KCNQ1: variants seen among roughly 807,000 people sequenced by gnomAD.
KCNQ1 encodes potassium voltage-gated channel subfamily Q member 1.
A neutral mutation model predicts 72.4 loss-of-function variants in KCNQ1; 49 were observed. That is an observed-to-expected ratio of 0.68 (90% confidence interval 0.54 to 0.86). The LOEUF is 0.86. KCNQ1 is among the 40% of genes least tolerant of loss of function. The probability of loss-of-function intolerance (pLI) is 0.00; values close to 1 mark genes in which losing one functional copy is unlikely to be tolerated. For synonymous variants in KCNQ1, 450 were observed against 412.6 expected (o/e 1.09, Z -1.10); for missense variants, 790 against 945.1 (o/e 0.84, Z 2.15).
Position 2,627,763 on chromosome 11 carries a change from CTTTT to C in KCNQ1, c.1394-34196_1394-34193del, listed in dbSNP as rs1237833170. On this transcript the variant is annotated intron_variant, in intron 10 of 15. Transcript: ENST00000155840. The surrounding 1 kb of genome is among the most constrained non-coding windows in gnomAD (Gnocchi z 4.9). Reference sequence around the variant, plus strand: ...CACACACACACTATTTTCTTCCTTTCTTTTTGAGACAGGGTCTCCATCTGTCATC... The same window carrying C: ...CACACACACACTATTTTCTTCCTTTCTGAGACAGGGTCTCCATCTGTCATC... The C allele has an allele frequency of 2.5e-6, 1 of 397,998 alleles. No homozygotes were observed. The highest frequency in any genetic ancestry group is 2.1e-5 in the African/African-American group (1 of 48,496). 24.7% of individuals were successfully genotyped at this position (397,998 alleles called of 1,614,324 possible). A position where few individuals can be genotyped will look rare whatever the true frequency, so the allele number is the denominator to read the frequency against.
At position 2,661,538 on chromosome 11, in the gene KCNQ1, ACTACTC is replaced by A; in HGVS notation, c.1394-422_1394-417del. On this transcript the variant is annotated intron_variant, in intron 10 of 15. Coordinates refer to ENST00000155840, the MANE Select transcript of KCNQ1 (RefSeq NM_000218.3). This position sits in a 1 kb window ranked among gnomAD's most constrained non-coding sequence, Gnocchi z 5.9. ...CCTATCACCCCATCTTTCCTGACCCACTACTCTGTCAATGTATGAGTGTGACAATGT... is the reference window on the plus strand; with the variant it reads ...CCTATCACCCCATCTTTCCTGACCCATGTCAATGTATGAGTGTGACAATGT... The A allele has an allele frequency of 2.0e-6, 1 of 500,604 alleles. No homozygotes were observed. The highest frequency in any genetic ancestry group is 3.5e-6 in the Non-Finnish European group (1 of 284,546). 31.0% of individuals were successfully genotyped at this position (500,604 alleles called of 1,614,324 possible). A position where few individuals can be genotyped will look rare whatever the true frequency, so the allele number is the denominator to read the frequency against.
intron 2 of KCNQ1, among the ~76,000 whole-genome samples, chr11:2,551,366 G>C (rs1028334932): frequency 6.6e-6 from 1 of 152,212 alleles, no homozygotes; most frequent in Admixed American, 6.5e-5. Context: ...GCGGCGTGTA[G>C]CCTCTGCGCC....
At chr11:2,796,619 A>T (rs1321095873) in intron 15 of KCNQ1, among the ~76,000 whole-genome samples, 1 of 152,182 alleles carries the variant, frequency 6.6e-6, no homozygotes, top group Admixed American at 6.5e-5. Flanking sequence ...GTTCCTGCCC[A>T]CTCAGCCCCT....
Position 2,559,625 on chromosome 11 carries a change from C to T in KCNQ1, c.478-11003C>T, listed in dbSNP as rs530856502. ...GACCCAGCAAGTCCCTTGCCTCTCT[C>T]GCTCACCAGGAAGAAGACACGTCCG... On this transcript the variant is annotated intron_variant, in intron 2 of 15. Transcript: ENST00000155840. The surrounding 1 kb of genome is among the most constrained non-coding windows in gnomAD (Gnocchi z 4.9). Among the ~76,000 whole-genome samples, 2 of 152,320 alleles carry T rather than the reference C, an allele frequency of 1.3e-5. No individual in the cohort carries two copies. Among genetic ancestry groups the T allele is most frequent in the South Asian group, 2.1e-4 (1 of 4,830 alleles).
rs773255790 is a variant in KCNQ1 at position 2,515,134 on chromosome 11, C to T, written c.387-12794C>T. 6.6e-6 allele frequency among the ~76,000 whole-genome samples: 1 copy of T among 152,102 alleles called. No individual in the cohort carries two copies. ...GTGCGCCCATCAGCCGGATATTGGA[C>T]GTTATACTCAATAGGTAATTTTTCA... On this transcript the variant is annotated intron_variant, in intron 1 of 15. Coordinates refer to ENST00000155840, the MANE Select transcript of KCNQ1 (RefSeq NM_000218.3). The surrounding 1 kb of genome is among the most constrained non-coding windows in gnomAD (Gnocchi z 4.7).
intron 15 of KCNQ1, among the ~76,000 whole-genome samples, chr11:2,780,431 C>T (rs867542071): frequency 6.6e-4 from 100 of 152,224 alleles, no homozygotes; most frequent in African/African-American, 2.3e-3. Flanking sequence ...GCCCAGCAGG[C>T]GTGCAGCGGT....
chr11:2,733,774 C>CCACA (rs144399150), intron 11 of KCNQ1, among the ~76,000 whole-genome samples: 1,023 of 57,430 alleles, frequency 0.018, 36 homozygotes, highest in Admixed American at 0.068. Flanking sequence ...TTCAGGCCTT[C>CCACA]CACACACACA....
rs1849142979 is a variant in KCNQ1 at position 2,620,202 on chromosome 11, T to G, written c.1393+31348T>G. The G allele has an allele frequency of 3.2e-6, 1 of 313,628 alleles. No individual in the cohort carries two copies. The highest frequency in any genetic ancestry group is 2.6e-5 in the African/African-American group (1 of 38,350). The allele number at this position is 313,628 out of a possible 1,614,324, so 19.4% of individuals were successfully genotyped here. A position where few individuals can be genotyped will look rare whatever the true frequency, so the allele number is the denominator to read the frequency against. Reference sequence around the variant, plus strand: ...CAAAGGACGTAAGTTCATTCATGTATATATATATATTTTTTTTTTTTATTT... The same window carrying G: ...CAAAGGACGTAAGTTCATTCATGTAGATATATATATTTTTTTTTTTTATTT... On this transcript the variant is annotated intron_variant, in intron 10 of 15. Coordinates refer to ENST00000155840, the MANE Select transcript of KCNQ1 (RefSeq NM_000218.3). This position sits in a 1 kb window ranked among gnomAD's most constrained non-coding sequence, Gnocchi z 4.5.
chr11:2,758,540 A>G (rs955666126), intron 11 of KCNQ1, among the ~76,000 whole-genome samples: 6 of 152,208 alleles, frequency 3.9e-5, no homozygotes, highest in Admixed American at 6.5e-5. Context: ...CATCCCGGCA[A>G]CTGAACTCCT....
In KCNQ1 at chr11:2,563,700, A is replaced by G. The variant is rs1387551010; in HGVS notation, c.478-6928A>G. Among the ~76,000 whole-genome samples, 1 of 152,192 alleles carries G rather than the reference A, an allele frequency of 6.6e-6. No homozygotes were observed. Among genetic ancestry groups the G allele is most frequent in the Non-Finnish European group, 1.5e-5 (1 of 68,032 alleles). ...GAAGGATGGCACCGAGCACCATTCAACATAAGTCTTGTCAGCGTTCCGATG... is the reference window on the plus strand; with the variant it reads ...GAAGGATGGCACCGAGCACCATTCAGCATAAGTCTTGTCAGCGTTCCGATG... On this transcript the variant is annotated intron_variant, in intron 2 of 15. Coordinates refer to ENST00000155840, the MANE Select transcript of KCNQ1 (RefSeq NM_000218.3). This position sits in a 1 kb window ranked among gnomAD's most constrained non-coding sequence, Gnocchi z 7.4.
At chr11:2,456,271 T>C (rs1052134163) in intron 1 of KCNQ1, among the ~76,000 whole-genome samples, 1 of 150,532 alleles carries the variant, frequency 6.6e-6, no homozygotes, top group Non-Finnish European at 1.5e-5. Flanking sequence ...CGCTCCAGCC[T>C]GGGTGACAAG....
At chr11:2,825,231 A>G (rs1847815838) in intron 15 of KCNQ1, among the ~76,000 whole-genome samples, 1 of 152,214 alleles carries the variant, frequency 6.6e-6, no homozygotes, top group Non-Finnish European at 1.5e-5. Context: ...GTGTGCCTTC[A>G]TAGCCCAGGA....
chr11:2,642,766 G>A lies in KCNQ1; in HGVS notation c.1394-19195G>A, dbSNP rs1009489299. On this transcript the variant is annotated intron_variant, in intron 10 of 15. Transcript: ENST00000155840. The surrounding 1 kb of genome is among the most constrained non-coding windows in gnomAD (Gnocchi z 4.3). ...TCAGGTGTATCATTAGATTATTTAAGATCTTTTCTACCTTTTTTAATGGAG... is the reference window on the plus strand; with the variant it reads ...TCAGGTGTATCATTAGATTATTTAAAATCTTTTCTACCTTTTTTAATGGAG... 4 of 397,530 alleles carry A rather than the reference G, an allele frequency of 1.0e-5. No homozygotes were observed. The highest frequency in any genetic ancestry group is 4.4e-5 in the Admixed American group (1 of 22,702). 24.6% of individuals were successfully genotyped at this position (397,530 alleles called of 1,614,324 possible). A position where few individuals can be genotyped will look rare whatever the true frequency, so the allele number is the denominator to read the frequency against.
intron 3 of KCNQ1, among the ~76,000 whole-genome samples, 179 bp from the exon 4 acceptor site, chr11:2,571,146 G>A (rs975293864): frequency 3.3e-5 from 5 of 152,174 alleles, no homozygotes; most frequent in Admixed American, 1.3e-4. Flanking sequence ...CAGAGGTTGG[G>A]TCTCTCCGTT....
chr11:2,587,329 G>C (rs1848605778), intron 8 of KCNQ1, among the ~76,000 whole-genome samples: 1 of 152,212 alleles, frequency 6.6e-6, no homozygotes, highest in South Asian at 2.1e-4. Context: ...TCCCAGCTGT[G>C]GGTAACAATT....
At chr11:2,522,746 G>A (rs887972239) in intron 1 of KCNQ1, among the ~76,000 whole-genome samples, 12 of 152,336 alleles carry the variant, frequency 7.9e-5, no homozygotes, top group Non-Finnish European at 1.8e-4. Context: ...CCTGGCCTGC[G>A]GGGGAACGTT....
chr11:2,459,686 C>T (rs1589891544), intron 1 of KCNQ1, among the ~76,000 whole-genome samples: 1 of 152,222 alleles, frequency 6.6e-6, no homozygotes, highest in South Asian at 2.1e-4. Flanking sequence ...TCCCTCCCCC[C>T]AGACCACCCC....
At chr11:2,506,260 G>T (rs919585413) in intron 1 of KCNQ1, among the ~76,000 whole-genome samples, 1 of 152,042 alleles carries the variant, frequency 6.6e-6, no homozygotes, top group African/African-American at 2.4e-5. Context: ...TTATTCTTTT[G>T]CATGTAGATA....
At chr11:2,662,628 G>A (rs895353375) in intron 11 of KCNQ1, 55 of 409,950 alleles carry the variant, frequency 1.3e-4, no homozygotes, top group Admixed American at 1.1e-3. Context: ...GCCAATCCCC[G>A]GTGCCCGGCC....
Sources: gnomAD v4.1 joint callset for allele counts (sites outside exome capture counted in the v4.1 genomes callset) on GRCh38, gnomAD v4.1.1 for gene constraint, Gnocchi (gnomAD v3.1) non-coding constraint, MANE v1.5 for transcripts, NCBI Gene and HGNC (gene_info 2026-07-23, HGNC 2026-07-21) for gene names.